Variants in TEK observed in about 807,000 individuals in gnomAD.
TEK encodes TEK receptor tyrosine kinase.
TEK carries 43 observed loss-of-function variants against 131.8 expected under a neutral mutation model. The observed-to-expected ratio is 0.33, with a 90% CI of 0.26 to 0.42. The LOEUF (loss-of-function observed/expected upper bound fraction) is 0.42. Among genes scored for constraint, TEK ranks in the 10% least tolerant of loss-of-function variants. The pLI is 1.00. For synonymous variants in TEK, 580 were observed against 491.6 expected (o/e 1.18, Z -2.38); for missense variants, 1,162 against 1,384.4 (o/e 0.84, Z 2.55).
At chr9:27,136,697 A>C (rs1446407338) in intron 1 of TEK, among the ~76,000 whole-genome samples, 1 of 152,144 alleles carries the variant, frequency 6.6e-6, no homozygotes, top group Non-Finnish European at 1.5e-5. Flanking sequence ...AATGCAAAGA[A>C]CTTCACAAGT....
intron 11 of TEK, among the ~76,000 whole-genome samples, chr9:27,195,368 C>T (rs1420147370): frequency 1.3e-5 from 2 of 152,146 alleles, no homozygotes; most frequent in African/African-American, 4.8e-5. Context: ...ATGTATTGCT[C>T]ATCCCCAGTG....
chr9:27,139,554 C>T (rs918503893), intron 1 of TEK, among the ~76,000 whole-genome samples: 3 of 151,694 alleles, frequency 2.0e-5, no homozygotes, highest in Admixed American at 6.6e-5. Flanking sequence ...GAACTCCTGA[C>T]CTTAGGTGAT....
At chr9:27,162,453 T>C (rs1251116039) in intron 2 of TEK, among the ~76,000 whole-genome samples, 1 of 152,192 alleles carries the variant, frequency 6.6e-6, no homozygotes, top group Non-Finnish European at 1.5e-5. Context: ...GGGTAGGAAA[T>C]TATATATAAA....
At chr9:27,126,391 A>G (rs1031365460) in intron 1 of TEK, among the ~76,000 whole-genome samples, 10 of 152,188 alleles carry the variant, frequency 6.6e-5, no homozygotes, top group Non-Finnish European at 1.3e-4. Context: ...ATATATCACA[A>G]AAAGGACACT....
chr9:27,138,419 T>C (rs1329960554), intron 1 of TEK, among the ~76,000 whole-genome samples: 1 of 152,152 alleles, frequency 6.6e-6, no homozygotes, highest in African/African-American at 2.4e-5. Context: ...TTTTACAGAG[T>C]GCTGATTGGT....
chr9:27,126,269 C>T (rs1821985362), intron 1 of TEK, among the ~76,000 whole-genome samples: 1 of 152,164 alleles, frequency 6.6e-6, no homozygotes, highest in South Asian at 2.1e-4. Flanking sequence ...AGGCATATCA[C>T]AGCTTTGTGA....
intron 21 of TEK, 130 bp from the exon 22 acceptor site, chr9:27,228,076 C>T: frequency 1.5e-6 from 1 of 675,664 alleles, no homozygotes; most frequent in Non-Finnish European, 2.6e-6. Context: ...TAGAAACTTC[C>T]TAGGGGCTGT....
intron 15 of TEK, 136 bp from the exon 16 acceptor site, chr9:27,208,985 C>T: frequency 1.4e-6 from 1 of 702,430 alleles, no homozygotes. Flanking sequence ...AGAAACTCTA[C>T]TTTAGAGTAA....
intron 10 of TEK, chr9:27,191,909 G>C (rs995973210): frequency 2.2e-6 from 1 of 454,484 alleles, no homozygotes; most frequent in Non-Finnish European, 4.4e-6. Flanking sequence ...ATATGATAAG[G>C]CAGAAATTTA....
intron 6 of TEK, among the ~76,000 whole-genome samples, chr9:27,176,391 T>TA (rs570318635): frequency 4.2e-4 from 64 of 152,316 alleles, no homozygotes; most frequent in African/African-American, 1.4e-3. Flanking sequence ...TTCTAGAAAC[T>TA]AAAAAAATCA....
At chr9:27,138,201 G>T (rs1423085588) in intron 1 of TEK, among the ~76,000 whole-genome samples, 6 of 152,216 alleles carry the variant, frequency 3.9e-5, no homozygotes, top group African/African-American at 1.4e-4. Context: ...AAGAGCAAAA[G>T]AACAAAGATT....
chr9:27,214,855 C>T (rs1031869694), intron 18 of TEK, among the ~76,000 whole-genome samples: 5 of 152,074 alleles, frequency 3.3e-5, no homozygotes, highest in Non-Finnish European at 5.9e-5. Flanking sequence ...GGCTGGCTTC[C>T]AGGTGATGCT....
chr9:27,192,732 G>GA, intron 11 of TEK, 109 bp downstream of exon 11: 1 of 451,710 alleles, frequency 2.2e-6, no homozygotes, highest in East Asian at 7.3e-5. Flanking sequence ...GGTGGGTGGG[G>GA]ATGGAGGTGG....
chr9:27,152,405 G>GAAAAAAA (rs1364918349), intron 1 of TEK, among the ~76,000 whole-genome samples: 25 of 128,624 alleles, frequency 1.9e-4, no homozygotes, highest in Non-Finnish European at 3.2e-4. Context: ...ATGTGAACTG[G>GAAAAAAA]AATGTGGAAA....
At chr9:27,205,100 A>C (rs200413460) in intron 14 of TEK, 35 bp downstream of exon 14, 105 of 1,613,236 alleles carry the variant, frequency 6.5e-5, no homozygotes, top group Non-Finnish European at 8.0e-5. Flanking sequence ...TAATAAGGGC[A>C]AGTCCAAGTA....
At chr9:27,135,159 G>A (rs1395309518) in intron 1 of TEK, among the ~76,000 whole-genome samples, 1 of 152,038 alleles carries the variant, frequency 6.6e-6, no homozygotes, top group African/African-American at 2.4e-5. Flanking sequence ...AGGAGGTGGA[G>A]GTTGCAGTGA....
chr9:27,111,929 C>T (rs1821363317), intron 1 of TEK, among the ~76,000 whole-genome samples: 1 of 144,458 alleles, frequency 6.9e-6, no homozygotes, highest in South Asian at 2.2e-4. Flanking sequence ...GATGGAGTCT[C>T]GCTCTGTCAC....
chr9:27,206,865 C>G, intron 15 of TEK, 73 bp downstream of exon 15: 1 of 1,523,616 alleles, frequency 6.6e-7, no homozygotes, highest in Non-Finnish European at 8.9e-7. Flanking sequence ...CTCATTCTTT[C>G]CTCTATGGTC....
At chr9:27,156,273 C>T (rs919766422) in intron 1 of TEK, among the ~76,000 whole-genome samples, 1 of 152,028 alleles carries the variant, frequency 6.6e-6, no homozygotes, top group Non-Finnish European at 1.5e-5. Context: ...GAGAATATTC[C>T]ATTGTAAACC....
Sources: allele counts gnomAD v4.1 joint callset (sites outside exome capture counted in the v4.1 genomes callset), GRCh38; gene constraint gnomAD v4.1.1; transcripts MANE v1.5; gene names NCBI Gene and HGNC (gene_info 2026-07-23, HGNC 2026-07-21).